Variants in RNF17 observed in about 807,000 individuals in gnomAD.
RNF17 encodes ring finger protein 17.
Under a neutral mutation model 200.5 loss-of-function variants are expected in RNF17, and 31 were observed. The ratio of observed to expected loss-of-function variants is 0.15; its 90% CI spans 0.12 to 0.21. RNF17 has a LOEUF of 0.21. Among genes scored for constraint, RNF17 ranks in the 10% least tolerant of loss-of-function variants. The pLI, the probability that RNF17 is intolerant of heterozygous loss-of-function variation, is 1.00. For missense variants in RNF17, 1,628 were observed against 1,905.1 expected, an observed-to-expected ratio of 0.85 and a Z score of 2.71; for synonymous variants, 606 against 637.8, an observed-to-expected ratio of 0.95 and a Z score of 0.75.
intron 27 of RNF17, among the ~76,000 whole-genome samples, chr13:24,862,077 C>T (rs1438157839): frequency 6.6e-6 from 1 of 152,174 alleles, no homozygotes; most frequent in Admixed American, 6.5e-5. Context: ...TCACAATCAG[C>T]ATGGGGGAAA....
At position 24,842,624 on chromosome 13, in the gene RNF17, A is replaced by G. The variant is rs376711674; in HGVS notation, c.2603+463A>G. On this transcript the variant is annotated intron_variant, in intron 19 of 35. Coordinates refer to ENST00000255324, the MANE Select transcript of RNF17 (RefSeq NM_031277.3). Reference sequence around the variant, plus strand: ...TGCTAATACTCACCCAGGACAGGCTAGTGGTTAGGGTGACCCCAGAAGCAG... The same window carrying G: ...TGCTAATACTCACCCAGGACAGGCTGGTGGTTAGGGTGACCCCAGAAGCAG... Among the ~76,000 whole-genome samples the G allele has an allele frequency of 1.8e-4, 27 of 152,274 alleles. 1 individual carries two copies. The South Asian group carries it at 5.0e-3, about 28-fold the overall frequency.
chr13:24,878,939 T>C (rs1024172422), intron 34 of RNF17, among the ~76,000 whole-genome samples: 1 of 152,160 alleles, frequency 6.6e-6, no homozygotes, highest in African/African-American at 2.4e-5. Context: ...TAACAAGGGA[T>C]GGTGGTGACA....
At chr13:24,791,441 A>T (rs1883844180) in intron 9 of RNF17, among the ~76,000 whole-genome samples, 1 of 152,160 alleles carries the variant, frequency 6.6e-6, no homozygotes, top group South Asian at 2.1e-4. Context: ...GAAGCAAAGT[A>T]AGTTGGGAGG....
intron 25 of RNF17, among the ~76,000 whole-genome samples, chr13:24,856,426 A>AG (rs1280173423): frequency 6.6e-6 from 1 of 152,010 alleles, no homozygotes; most frequent in Non-Finnish European, 1.5e-5. Flanking sequence ...TCTCAAAAAA[A>AG]AAAAAAAAAA....
chr13:24,764,253 G>A lies in RNF17; in HGVS notation c.50G>A (p.Arg17Gln), dbSNP rs200719774. 1 of 1,609,776 alleles carries A rather than the reference G, an allele frequency of 6.2e-7. No homozygotes were observed. The highest frequency in any genetic ancestry group is 8.5e-7 in the Non-Finnish European group (1 of 1,176,846). Residue 17 changes from arginine to glutamine, a missense_variant, in exon 1 of 36, where the codon CGA (arginine) becomes CAA (glutamine). Around this residue, in one of 5 missense-constraint regions of RNF17, gnomAD observed 502 missense variants for 501.7 expected, o/e 1.00. Transcript: ENST00000255324. ...KTGPSRSSYQRMGRKSQPWGA... is the reference protein window; with the variant it reads ...KTGPSRSSYQQMGRKSQPWGA... ...GGGCCTTCTAGGTCTTCCTACCAGC[G>A]AATGGGGAGGAAGAGTCAGCCCTGG...
intron 6 of RNF17, among the ~76,000 whole-genome samples, chr13:24,784,800 G>A (rs1275591139): frequency 3.3e-5 from 5 of 151,942 alleles, no homozygotes; most frequent in South Asian, 2.1e-4. Flanking sequence ...TCTGTATCCC[G>A]GGTTCAAGTG....
intron 12 of RNF17, 63 bp downstream of exon 12, chr13:24,799,647 T>G (rs368736623): frequency 7.4e-6 from 7 of 947,736 alleles, no homozygotes; most frequent in Non-Finnish European, 1.1e-5. Flanking sequence ...GAGGTGGAGT[T>G]AAAGAATAAA....
At chr13:24,792,359 C>G (rs1364873897) in intron 9 of RNF17, among the ~76,000 whole-genome samples, 1 of 151,634 alleles carries the variant, frequency 6.6e-6, no homozygotes, top group African/African-American at 2.4e-5. Flanking sequence ...TCAAACAGGT[C>G]AAGGACAATA....
chr13:24,789,389 A>C lies in RNF17; in HGVS notation c.825A>C (p.Ala275=), dbSNP rs768787766. 1.2e-6 allele frequency: 2 copies of C among 1,606,302 alleles called. No homozygotes were observed. Among genetic ancestry groups the C allele is most frequent in the East Asian group, 4.5e-5 (2 of 44,680 alleles). ...AGTTAACTTCAGATAGTGAATTAGC[A>C]CAAGTTAGTTCTCCACAACTAAGGA... ...TLQLTSDSEL[A]QVSSPQLRNP... is the part of the protein sequence containing the mutation. Residue 275 remains alanine (A), a synonymous_variant, in exon 8 of 36, where the codon GCA becomes GCC. Coordinates refer to ENST00000255324, the MANE Select transcript of RNF17 (RefSeq NM_031277.3).
intron 15 of RNF17, among the ~76,000 whole-genome samples, chr13:24,806,328 G>A (rs548127432): frequency 2.4e-4 from 36 of 152,296 alleles, no homozygotes; most frequent in African/African-American, 8.4e-4. Context: ...AAACATACGT[G>A]TGTAAGTGTC....
rs1189629757 is a variant in RNF17, at chr13:24,879,201, A to G, written c.4788A>G (p.Glu1596=). 5 of 1,613,106 alleles carry G rather than the reference A, an allele frequency of 3.1e-6. No homozygotes were observed. The highest frequency in any genetic ancestry group is 3.3e-4 in the Middle Eastern group (2 of 6,060). ...LYAVSMAPAP[E]QIVTLYDDEQ... ...TTTAATTTTAGGCTCCAGCACCAGA[A>G]CAGATAGTGACATTATATGACGATG... The change falls in exon 35 of 36, where the codon GAA becomes GAG. Residue 1596 remains glutamate, a synonymous_variant. Coordinates refer to ENST00000255324, the MANE Select transcript of RNF17 (RefSeq NM_031277.3).
intron 25 of RNF17, among the ~76,000 whole-genome samples, chr13:24,858,575 G>GAGATAT (rs764245329): frequency 9.1e-5 from 13 of 143,248 alleles, no homozygotes; most frequent in Non-Finnish European, 1.7e-4. Flanking sequence ...ATCAGTTATG[G>GAGATAT]ATATATATAT....
chr13:24,790,787 A>G (rs1883743126), intron 9 of RNF17, among the ~76,000 whole-genome samples: 1 of 152,166 alleles, frequency 6.6e-6, no homozygotes, highest in African/African-American at 2.4e-5. Flanking sequence ...AAGAGCATAA[A>G]AGGGACAAAT....
In RNF17 at chr13:24,793,314, T is replaced by C. The variant is rs1884120550; in HGVS notation, c.1208T>C (p.Ile403Thr). The C allele has an allele frequency of 6.3e-7, 1 of 1,590,820 alleles. No individual in the cohort carries two copies. Among genetic ancestry groups the C allele is most frequent in the African/African-American group, 1.4e-5 (1 of 73,666 alleles). ...CAGATGGGATCTAGCCCTGATGTGATAATTGAAGAAATTATTGAAGACAAC... is the reference window on the plus strand; with the variant it reads ...CAGATGGGATCTAGCCCTGATGTGACAATTGAAGAAATTATTGAAGACAAC... ...LPQMGSSPDV[I>T]IEEIIEDNVE... Residue 403 changes from isoleucine (I) to threonine (T), a missense_variant, in exon 10 of 36, where the codon ATA becomes ACA. Physicochemically the swap from Ile to Thr is moderately conservative, Grantham distance 89. This residue lies in a region of RNF17 where 502 missense variants were observed against 501.7 expected (regional missense o/e 1.00). Coordinates refer to ENST00000255324, the MANE Select transcript of RNF17 (RefSeq NM_031277.3).
chr13:24,851,364 A>G (rs1463320507), intron 23 of RNF17, 92 bp from the exon 24 acceptor site: 24 of 864,518 alleles, frequency 2.8e-5, no homozygotes, highest in Admixed American at 2.3e-5. Context: ...TTGCTTAGAG[A>G]AATGTAGAAG....
chr13:24,778,416 A>G lies in RNF17; in HGVS notation c.429+10A>G, dbSNP rs201774001. On this transcript the variant is annotated intron_variant, in intron 4 of 35. Transcript: ENST00000255324. ...ATCAGCTGTAATGTTGGTATGAAAC[A>G]TATTGGTCATGAAGTACGATGAAGG... The G allele has an allele frequency of 6.4e-7, 1 of 1,560,568 alleles. No homozygotes were observed. Among genetic ancestry groups the G allele is most frequent in the African/African-American group, 1.4e-5 (1 of 73,980 alleles).
chr13:24,857,234 C>A (rs1225332765), intron 25 of RNF17, among the ~76,000 whole-genome samples: 1 of 152,136 alleles, frequency 6.6e-6, no homozygotes, highest in African/African-American at 2.4e-5. Context: ...TTTACTCTTT[C>A]CTCCATGATT....
intron 7 of RNF17, among the ~76,000 whole-genome samples, chr13:24,788,449 C>T (rs1883405227): frequency 6.6e-6 from 1 of 151,564 alleles, no homozygotes; most frequent in African/African-American, 2.4e-5. Context: ...AGTAAGGTGA[C>T]ATTGAGGTGA....
upstream of RNF17, among the ~76,000 whole-genome samples, chr13:24,760,337 G>A (rs182170334): frequency 8.5e-5 from 13 of 152,208 alleles, no homozygotes; most frequent in Admixed American, 7.2e-4. Flanking sequence ...ATAAATACAA[G>A]TAATACAAGT....
Sources: allele counts gnomAD v4.1 joint callset (sites outside exome capture counted in the v4.1 genomes callset), GRCh38; gene constraint gnomAD v4.1.1; regional missense constraint gnomAD v4.1.1; transcripts MANE v1.5; gene names NCBI Gene and HGNC (gene_info 2026-07-23, HGNC 2026-07-21).